Variants in FIG4 observed in about 807,000 individuals in gnomAD.
The protein encoded by FIG4 is polyphosphoinositide phosphatase.
A neutral mutation model predicts 118.6 loss-of-function variants in FIG4; 112 were observed. The observed-to-expected ratio is 0.94, with a 90% CI of 0.81 to 1.11. FIG4 has a LOEUF of 1.11. FIG4 is among the 50% of genes least tolerant of loss of function. The pLI, the probability that FIG4 is intolerant of heterozygous loss-of-function variation, is 0.00. For missense variants in FIG4, 969 were observed against 1,111.7 expected, an observed-to-expected ratio of 0.87 and a Z score of 1.83; for synonymous variants, 369 against 381.2, an observed-to-expected ratio of 0.97 and a Z score of 0.37.
At chr6:109,766,934 G>A in intron 15 of FIG4, 39 bp downstream of exon 15, 1 of 1,554,830 alleles carries the variant, frequency 6.4e-7, no homozygotes, top group African/African-American at 1.4e-5. Flanking sequence ...GACTTACTCT[G>A]AAGTGCATTT....
intron 7 of FIG4, among the ~76,000 whole-genome samples, 165 bp downstream of exon 7, chr6:109,738,618 C>A (rs1360933441): frequency 1.2e-4 from 19 of 152,068 alleles, no homozygotes; most frequent in Admixed American, 1.2e-3. Flanking sequence ...AGAATGCAGA[C>A]TATTTGAACA....
At position 109,825,270 on chromosome 6, in the gene FIG4, A is replaced by G. The variant is rs757268608; in HGVS notation, c.*5A>G. 1 of 1,612,956 alleles carries G rather than the reference A, an allele frequency of 6.2e-7. No individual in the cohort carries two copies. The highest frequency in any genetic ancestry group is 1.1e-5 in the South Asian group (1 of 91,060). ...ATCAGGAACCGCTACCTGTGAAAAG[A>G]GCGCAGGTCCACCTGGTGGACACGT... is the stretch of plus-strand genomic sequence containing the variant. On this transcript the variant is annotated 3_prime_UTR_variant, in exon 23 of 23. Coordinates refer to ENST00000230124, the MANE Select transcript of FIG4 (RefSeq NM_014845.6).
At chr6:109,787,510 G>C (rs1428828910) in intron 18 of FIG4, among the ~76,000 whole-genome samples, 2 of 152,106 alleles carry the variant, frequency 1.3e-5, no homozygotes, top group Non-Finnish European at 2.9e-5. Context: ...CTCAGCAAAA[G>C]ATAAATGACA....
At chr6:109,796,886 G>T in intron 22 of FIG4, 35 bp downstream of exon 22, 1 of 1,198,728 alleles carries the variant, frequency 8.3e-7, no homozygotes, top group South Asian at 1.2e-5. Flanking sequence ...AGAAATCTTT[G>T]TATTCATGCC....
intron 15 of FIG4, among the ~76,000 whole-genome samples, chr6:109,775,351 A>G (rs561733161): frequency 6.6e-6 from 1 of 152,322 alleles, no homozygotes; most frequent in South Asian, 2.1e-4. Flanking sequence ...ACTTCCAAAA[A>G]GGCTTCTTTA....
chr6:109,799,379 C>T (rs1356451234), intron 22 of FIG4, among the ~76,000 whole-genome samples: 2 of 152,170 alleles, frequency 1.3e-5, no homozygotes, highest in East Asian at 1.9e-4. Context: ...TGTGTGTGCA[C>T]GCACGTGTGC....
At chr6:109,755,111 TGTCC>T (rs1221036253) in intron 10 of FIG4, among the ~76,000 whole-genome samples, 19 of 152,326 alleles carry the variant, frequency 1.2e-4, no homozygotes, top group African/African-American at 4.3e-4. Context: ...GCTTTGAATG[TGTCC>T]CAGAGATTCT....
Position 109,743,378 on chromosome 6 carries a change from G to A in FIG4, c.1039+106G>A, listed in dbSNP as rs138817319. Reference sequence around the variant, plus strand: ...ATGCTTAGGTTTTCAGGAGGTTTTAGTCCTGGAAGGTAGATAATTTAGAAG... The same window carrying A: ...ATGCTTAGGTTTTCAGGAGGTTTTAATCCTGGAAGGTAGATAATTTAGAAG... On this transcript the variant is annotated intron_variant, in intron 9 of 22. Transcript: ENST00000230124. 8.1e-5 allele frequency: 86 copies of A among 1,062,640 alleles called. 1 individual carries two copies. The East Asian group carries it at 1.9e-3, about 23-fold the overall frequency. The allele number at this position is 1,062,640 out of a possible 1,614,324, so 65.8% of individuals were successfully genotyped here. A position where few individuals can be genotyped will look rare whatever the true frequency, so the allele number is the denominator to read the frequency against.
chr6:109,723,881 G>A (rs1775689152), intron 3 of FIG4, among the ~76,000 whole-genome samples: 1 of 152,164 alleles, frequency 6.6e-6, no homozygotes, highest in Admixed American at 6.5e-5. Flanking sequence ...GATGTTCAGA[G>A]ACATCTTGAC....
chr6:109,822,799 A>G lies in FIG4; in HGVS notation c.2547-2289A>G, dbSNP rs1471098305. ...TGTGTGTGTGTATGTATATATATAT[A>G]TATATATATATATATATATATATAT... is the stretch of plus-strand genomic sequence containing the variant. On this transcript the variant is annotated intron_variant, in intron 22 of 22. Transcript: ENST00000230124. Among the ~76,000 whole-genome samples the G allele has an allele frequency of 5.9e-3, 296 of 50,170 alleles. 1 individual carries two copies. Among genetic ancestry groups the G allele is most frequent in the Middle Eastern group, 0.038 (3 of 78 alleles). The allele number at this position is 50,170 out of a possible 152,430, so 32.9% of individuals were successfully genotyped here. A position where few individuals can be genotyped will look rare whatever the true frequency, so the allele number is the denominator to read the frequency against.
intron 3 of FIG4, among the ~76,000 whole-genome samples, chr6:109,721,574 G>A (rs948420971): frequency 6.6e-6 from 1 of 152,148 alleles, no homozygotes; most frequent in Non-Finnish European, 1.5e-5. Context: ...ACTTTTGCAT[G>A]ACGACCATCA....
intron 10 of FIG4, among the ~76,000 whole-genome samples, chr6:109,754,430 G>C (rs1302768560): frequency 2.0e-5 from 3 of 152,120 alleles, no homozygotes; most frequent in African/African-American, 7.2e-5. Context: ...GCCCAGCTTT[G>C]GTATCAGGAT....
chr6:109,785,980 C>T, intron 17 of FIG4: 2 of 339,946 alleles, frequency 5.9e-6, no homozygotes, highest in South Asian at 5.9e-5. Flanking sequence ...CAATTTTTAG[C>T]TAAAACACAA....
intron 3 of FIG4, among the ~76,000 whole-genome samples, chr6:109,725,011 A>C (rs184024865): frequency 1.3e-5 from 2 of 152,212 alleles, no homozygotes; most frequent in East Asian, 3.9e-4. Flanking sequence ...TCTTAATCTT[A>C]TATCTATTTG....
chr6:109,741,551 T>C lies in FIG4; in HGVS notation c.876+7T>C, dbSNP rs1211948305. ...AAGAGGTGCAAACTGTGAGGTAAGA[T>C]GACAAACAGTATCTTCACTGACCTT... is the stretch of plus-strand genomic sequence containing the variant. On this transcript the variant is annotated splice_region_variant and intron_variant, in intron 8 of 22. Transcript: ENST00000230124. 5.2e-6 allele frequency: 8 copies of C among 1,535,004 alleles called. No homozygotes were observed. Among genetic ancestry groups the C allele is most frequent in the South Asian group, 4.5e-5 (4 of 89,526 alleles).
intron 10 of FIG4, among the ~76,000 whole-genome samples, chr6:109,745,086 G>C (rs1776446504): frequency 6.6e-6 from 1 of 152,092 alleles, no homozygotes; most frequent in Admixed American, 6.5e-5. Flanking sequence ...ATTGTGAATA[G>C]TGCTGCAATA....
chr6:109,778,250 C>T lies in FIG4; in HGVS notation c.1889+1190C>T, dbSNP rs546322661. Among the ~76,000 whole-genome samples the T allele has an allele frequency of 3.7e-4, 56 of 151,522 alleles. 1 individual carries two copies. The highest frequency in any genetic ancestry group is 6.8e-3 in the Middle Eastern group (2 of 294). ...CCAAGGCGGGAGGATTACCTGAGGTCAGCAGTTCGAGACCAGCCTGGTCAA... is the reference window on the plus strand; with the variant it reads ...CCAAGGCGGGAGGATTACCTGAGGTTAGCAGTTCGAGACCAGCCTGGTCAA... On this transcript the variant is annotated intron_variant, in intron 16 of 22. Coordinates refer to ENST00000230124, the MANE Select transcript of FIG4 (RefSeq NM_014845.6).
chr6:109,713,783 T>C (rs1345928311), intron 1 of FIG4, among the ~76,000 whole-genome samples: 1 of 152,028 alleles, frequency 6.6e-6, no homozygotes, highest in East Asian at 1.9e-4. Flanking sequence ...GCCACCCCAC[T>C]AGAGCTCTTC....
chr6:109,765,820 A>G (rs1215779424), intron 14 of FIG4, among the ~76,000 whole-genome samples: 2 of 152,208 alleles, frequency 1.3e-5, no homozygotes, highest in Non-Finnish European at 2.9e-5. Context: ...TGAAAATACA[A>G]TTAATGATAG....
Sources: allele counts gnomAD v4.1 joint callset (sites outside exome capture counted in the v4.1 genomes callset), GRCh38; gene constraint gnomAD v4.1.1; transcripts MANE v1.5; gene names NCBI Gene and HGNC (gene_info 2026-07-23, HGNC 2026-07-21).